Variants in RGPD8 observed in about 807,000 individuals in gnomAD.
The protein encoded by RGPD8 is RANBP2-like and GRIP domain-containing protein 8.
A neutral mutation model predicts 89.1 loss-of-function variants in RGPD8; 15 were observed. The observed-to-expected ratio is 0.17, with a 90% CI of 0.11 to 0.26. The LOEUF (loss-of-function observed/expected upper bound fraction) is 0.26, where lower values mean the gene tolerates loss of function less well. Among genes scored for constraint, RGPD8 ranks in the 10% least tolerant of loss-of-function variants. RGPD8 has a pLI of 1.00. For missense variants in RGPD8, 178 were observed against 1,179.6 expected (o/e 0.15, Z 12.44); for synonymous variants, 62 against 420.9 (o/e 0.15, Z 10.44).
intron 22 of RGPD8, among the ~76,000 whole-genome samples, 185 bp from the exon 23 acceptor site, chr2:112,370,397 G>A (rs1314063021): frequency 9.9e-6 from 1 of 101,028 alleles, no homozygotes; most frequent in Non-Finnish European, 1.9e-5. Context: ...TTTTGAGATA[G>A]GGTCTTGCTC....
intron 1 of RGPD8, among the ~76,000 whole-genome samples, chr2:112,424,768 A>C (rs1679697346): frequency 6.6e-6 from 1 of 151,594 alleles, no homozygotes; most frequent in Admixed American, 6.6e-5. Context: ...CATCATCATC[A>C]TAAATAAGCT....
chr2:112,403,780 A>AAAC (rs1228399497), intron 9 of RGPD8, among the ~76,000 whole-genome samples, 186 bp downstream of exon 9: 1 of 63,500 alleles, frequency 1.6e-5, no homozygotes, highest in Non-Finnish European at 3.0e-5. Context: ...TTGGTCTCAA[A>AAAC]AACAACAACA....
At chr2:112,426,062 T>C (rs932156694) in intron 1 of RGPD8, among the ~76,000 whole-genome samples, 1 of 151,872 alleles carries the variant, frequency 6.6e-6, no homozygotes, top group South Asian at 2.1e-4. Context: ...CACAATTTCA[T>C]GGACAAAAGA....
At chr2:112,387,525 C>G (rs1272744791) in intron 20 of RGPD8, among the ~76,000 whole-genome samples, 1 of 128,084 alleles carries the variant, frequency 7.8e-6, no homozygotes, top group Non-Finnish European at 1.7e-5. Context: ...CCATGCCCGG[C>G]TCATTTTTGT....
intron 7 of RGPD8, among the ~76,000 whole-genome samples, chr2:112,411,150 C>A (rs1219931319): frequency 6.6e-6 from 1 of 152,244 alleles, no homozygotes; most frequent in East Asian, 1.9e-4. Context: ...CCTTTTTTTT[C>A]CCTCCCCAAG....
At chr2:112,429,477 T>G (rs1244751297) in intron 1 of RGPD8, among the ~76,000 whole-genome samples, 1 of 142,012 alleles carries the variant, frequency 7.0e-6, no homozygotes, top group Non-Finnish European at 1.6e-5. Context: ...GAAAGGGAAT[T>G]AAAAATAACA....
At chr2:112,431,922 G>A (rs943210430) in intron 1 of RGPD8, among the ~76,000 whole-genome samples, 7 of 152,218 alleles carry the variant, frequency 4.6e-5, no homozygotes, top group Admixed American at 2.0e-4. Context: ...TTACAGGCGT[G>A]AGCCACTGCG....
chr2:112,414,177 TA>T (rs944367298), intron 6 of RGPD8, among the ~76,000 whole-genome samples: 2 of 143,680 alleles, frequency 1.4e-5, no homozygotes, highest in African/African-American at 5.5e-5. Context: ...TTATTTTTCA[TA>T]AAAAATGCTA....
intron 18 of RGPD8, among the ~76,000 whole-genome samples, chr2:112,392,775 C>CA (rs1415110154): frequency 9.6e-5 from 9 of 94,234 alleles, no homozygotes; most frequent in African/African-American, 3.2e-4. Flanking sequence ...CATTAATATT[C>CA]AAAAAACATT....
At chr2:112,371,887 G>C (rs1226109208) in intron 22 of RGPD8, among the ~76,000 whole-genome samples, 2 of 151,066 alleles carry the variant, frequency 1.3e-5, no homozygotes, top group Admixed American at 1.3e-4. Flanking sequence ...AAACTTTCTA[G>C]AGTTACAAGT....
In RGPD8 at chr2:112,377,287, T is replaced by G. The variant is rs867712793; in HGVS notation, c.5263+766A>C. Among the ~76,000 whole-genome samples, 13 of 86,280 alleles carry G rather than the reference T, an allele frequency of 1.5e-4. 2 individuals carry two copies. The highest frequency in any genetic ancestry group is 2.6e-4 in the Non-Finnish European group (11 of 41,876). The allele number at this position is 86,280 out of a possible 152,430, so 56.6% of individuals were successfully genotyped here. On this transcript the variant is annotated intron_variant, in intron 22 of 22. Coordinates refer to ENST00000302558, the MANE Select transcript of RGPD8 (RefSeq NM_001164463.1). Reference sequence around the variant, plus strand: ...AACTCTAACTACATCATAGTTTTTTTTTTTTTTTTTTTTGAGATGGAGTCT... The same window carrying G: ...AACTCTAACTACATCATAGTTTTTTGTTTTTTTTTTTTTGAGATGGAGTCT...
intron 6 of RGPD8, among the ~76,000 whole-genome samples, chr2:112,415,712 C>CAA (rs1228042690): frequency 1.2e-4 from 11 of 91,338 alleles, no homozygotes; most frequent in East Asian, 3.1e-4. Context: ...GACTCTGTCT[C>CAA]AAAAAAAAAA....
intron 21 of RGPD8, among the ~76,000 whole-genome samples, chr2:112,379,604 AC>A (rs71253574): frequency 2.6e-5 from 3 of 117,302 alleles, no homozygotes; most frequent in Admixed American, 8.5e-5. Flanking sequence ...AAAAAAAAAA[AC>A]AAGAAAATAT....
At position 112,377,427 on chromosome 2, in the gene RGPD8, T is replaced by A. The variant is rs549595081; in HGVS notation, c.5263+626A>T. On this transcript the variant is annotated intron_variant, in intron 22 of 22. Coordinates refer to ENST00000302558, the MANE Select transcript of RGPD8 (RefSeq NM_001164463.1). ...CTGAGTAGCTGGGACTACAGGCGCA[T>A]GCCACCACGTCCAGCTAATTTTTGT... 7.0e-3 allele frequency among the ~76,000 whole-genome samples: 768 copies of A among 109,986 alleles called. 126 individuals are homozygous for A. The highest frequency in any genetic ancestry group is 0.021 in the African/African-American group (733 of 34,110). 72.2% of individuals were successfully genotyped at this position (109,986 alleles called of 152,430 possible). A position where few individuals can be genotyped will look rare whatever the true frequency, so the allele number is the denominator to read the frequency against.
At chr2:112,374,089 T>TTA (rs1678044618) in intron 22 of RGPD8, among the ~76,000 whole-genome samples, 1 of 116,154 alleles carries the variant, frequency 8.6e-6, no homozygotes, top group Admixed American at 9.3e-5. Context: ...AAACCAGAGA[T>TTA]TATAAACATT....
intron 1 of RGPD8, among the ~76,000 whole-genome samples, chr2:112,429,578 G>T (rs1679934401): frequency 6.6e-6 from 1 of 152,050 alleles, no homozygotes; most frequent in South Asian, 2.1e-4. Flanking sequence ...CCTGCCTGTA[G>T]TCCTAAGTAC....
Position 112,417,198 on chromosome 2 carries a change from C to T in RGPD8, c.777G>A (p.Leu259=), listed in dbSNP as rs1371854555. The change falls in exon 6 of 23, where the codon CTG becomes CTA. Residue 259 remains leucine (L), a synonymous_variant. Coordinates refer to ENST00000302558, the MANE Select transcript of RGPD8 (RefSeq NM_001164463.1). ...TRDVQENREL[L]ESFDSALQSA... is the part of the protein sequence containing the mutation. ...TCTCCTCAAAGTCTACGCACCTTTC[C>T]AGTAATTCTCTATTTTCCTGCACAT... 1.2e-6 allele frequency: 2 copies of T among 1,609,416 alleles called. No individual in the cohort carries two copies. The highest frequency in any genetic ancestry group is 1.7e-6 in the Non-Finnish European group (2 of 1,179,832).
chr2:112,408,565 C>T (rs1229934154), intron 7 of RGPD8, among the ~76,000 whole-genome samples: 1 of 148,948 alleles, frequency 6.7e-6, no homozygotes, highest in East Asian at 2.0e-4. Flanking sequence ...TCAAACTGAC[C>T]TCAATTCATA....
At chr2:112,425,280 A>G (rs371119277) in intron 1 of RGPD8, among the ~76,000 whole-genome samples, 3,314 of 126,094 alleles carry the variant, frequency 0.026, 49 homozygotes, top group Middle Eastern at 0.051. Context: ...GAAAGAATAA[A>G]TAAGTACTTA....
Sources: gnomAD v4.1 joint callset for allele counts (sites outside exome capture counted in the v4.1 genomes callset) on GRCh38, gnomAD v4.1.1 for gene constraint, MANE v1.5 for transcripts, NCBI Gene and HGNC (gene_info 2026-07-23, HGNC 2026-07-21) for gene names.